Variants in TET1 observed in about 807,000 individuals in gnomAD.
TET1 encodes tet methylcytosine dioxygenase 1.
TET1 carries 13 observed loss-of-function variants against 148.7 expected under a neutral mutation model. The observed-to-expected ratio is 0.09, with a 90% CI of 0.06 to 0.14. The LOEUF (loss-of-function observed/expected upper bound fraction) is 0.14. Among genes scored for constraint, TET1 ranks in the 10% least tolerant of loss-of-function variants. The probability of loss-of-function intolerance (pLI) is 1.00; values close to 1 mark genes in which losing one functional copy is unlikely to be tolerated. For missense variants in TET1, 2,182 were observed against 2,553.8 expected (o/e 0.85, Z 3.14); for synonymous variants, 907 against 937.2 (o/e 0.97, Z 0.59).
Position 68,573,028 on chromosome 10 carries a change from A to C in TET1, c.690A>C (p.Glu230Asp), listed in dbSNP as rs763372468. The C allele has an allele frequency of 8.7e-6, 14 of 1,614,168 alleles. No homozygotes were observed. In the South Asian group the frequency reaches 1.5e-4, roughly 18 times the overall value. The part of the protein sequence containing the change: ...GTRCGEGLFS[E>D]ETLNDTSGSP... The stretch of plus-strand genomic sequence containing the variant: ...GCTGTGGTGAAGGACTATTCTCTGA[A>C]GAGACATTGAATGATACCAGTGGTT... The change falls in exon 2 of 12, where the codon GAA becomes GAC. Residue 230 changes from glutamate to aspartate, a missense_variant. By Grantham distance (45) the Glu-to-Asp change is conservative. Around this residue, in one of 11 missense-constraint regions of TET1, gnomAD observed 665 missense variants for 672.4 expected, o/e 0.99. Transcript: ENST00000373644.
intron 3 of TET1, among the ~76,000 whole-genome samples, chr10:68,626,846 G>T (rs542387476): frequency 1.3e-5 from 2 of 152,144 alleles, no homozygotes; most frequent in South Asian, 4.1e-4. Context: ...ACTATGACTG[G>T]CCCCTTGTTA....
In TET1 at chr10:68,691,644, T is replaced by G; in HGVS notation, c.6241T>G (p.Ser2081Ala). 1 of 1,614,188 alleles carries G rather than the reference T, an allele frequency of 6.2e-7. No homozygotes were observed. Among genetic ancestry groups the G allele is most frequent in the Non-Finnish European group, 8.5e-7 (1 of 1,180,026 alleles). The part of the protein sequence containing the change: ...KEAKNKKMKA[S>A]EQKDQAANEG... ...AGCTAAGAATAAGAAAATGAAGGCC[T>G]CAGAGCAAAAAGACCAGGCAGCTAA... Residue 2081 changes from serine to alanine, a missense_variant, in exon 12 of 12, where the codon TCA (serine) becomes GCA (alanine). Transcript: ENST00000373644. The surrounding 1 kb of genome is among the most constrained non-coding windows in gnomAD (Gnocchi z 4.4).
At chr10:68,629,039 G>A (rs2054529498) in intron 3 of TET1, among the ~76,000 whole-genome samples, 1 of 152,090 alleles carries the variant, frequency 6.6e-6, no homozygotes, top group Admixed American at 6.6e-5. Flanking sequence ...TCATCGTTTT[G>A]GTATCCCTGC....
Position 68,646,169 on chromosome 10 carries a change from A to C in TET1, c.3440A>C (p.Gln1147Pro), listed in dbSNP as rs2054843090. The change falls in exon 4 of 12, where the codon CAG (glutamine) becomes CCG (proline). Residue 1147 changes from glutamine to proline, a missense_variant. Gln to Pro is a moderately conservative substitution (Grantham distance 76, BLOSUM62 -1). Around this residue, in one of 11 missense-constraint regions of TET1, gnomAD observed 582 missense variants for 599.5 expected, o/e 0.97. Transcript: ENST00000373644. ...TTAACAAAACAAAAGAACCCAACCCAGAAAAAGACAAAATCCACCCCATCA... is the reference window on the plus strand; with the variant it reads ...TTAACAAAACAAAAGAACCCAACCCCGAAAAAGACAAAATCCACCCCATCA... ...SSLTKQKNPT[Q>P]KKTKSTPSRD... 6.2e-7 allele frequency: 1 copy of C among 1,613,366 alleles called. No individual in the cohort carries two copies. The highest frequency in any genetic ancestry group is 8.5e-7 in the Non-Finnish European group (1 of 1,179,896).
intron 3 of TET1, among the ~76,000 whole-genome samples, chr10:68,618,958 CCCT>C (rs1231046963): frequency 6.6e-6 from 1 of 151,982 alleles, no homozygotes; most frequent in Non-Finnish European, 1.5e-5. Context: ...CAGAATTAGA[CCCT>C]GTCTCTTAAA....
rs576484089 is a variant in TET1 at position 68,600,963 on chromosome 10, C to T, written c.1915-18C>T. The T allele has an allele frequency of 6.3e-7, 1 of 1,593,604 alleles. No individual in the cohort carries two copies. The highest frequency in any genetic ancestry group is 1.4e-5 in the African/African-American group (1 of 73,346). ...ATTTCTTAAACAGAGGCTCATTTTG[C>T]AATTTGATTTTTTTTAGGTTATAAA... On this transcript the variant is annotated intron_variant, in intron 2 of 11. Transcript: ENST00000373644.
intron 1 of TET1, among the ~76,000 whole-genome samples, chr10:68,569,180 T>C (rs2053639734): frequency 7.1e-6 from 1 of 140,134 alleles, no homozygotes; most frequent in Non-Finnish European, 1.6e-5. Flanking sequence ...TTTTTTTTTT[T>C]TTTTTTTTTT....
intron 2 of TET1, among the ~76,000 whole-genome samples, chr10:68,587,721 G>A: frequency 6.6e-6 from 1 of 152,154 alleles, no homozygotes; most frequent in East Asian, 1.9e-4. Context: ...GCAAAGGAAA[G>A]GAAGGTGGAA....
In TET1 at chr10:68,572,318, A is replaced by T; in HGVS notation, c.-21A>T. ...ATGACTCTGTTTCCTGCGCCCTTTC[A>T]TTTTTTCCTACTCTGTAGCTATGTC... is the stretch of plus-strand genomic sequence containing the variant. On this transcript the variant is annotated 5_prime_UTR_variant, in exon 2 of 12. Coordinates refer to ENST00000373644, the MANE Select transcript of TET1 (RefSeq NM_030625.3). 1 of 1,564,878 alleles carries T rather than the reference A, an allele frequency of 6.4e-7. No individual in the cohort carries two copies. The highest frequency in any genetic ancestry group is 1.2e-5 in the South Asian group (1 of 82,580).
At chr10:68,604,201 G>A (rs1214535546) in intron 3 of TET1, among the ~76,000 whole-genome samples, 1 of 152,190 alleles carries the variant, frequency 6.6e-6, no homozygotes, top group Non-Finnish European at 1.5e-5. Context: ...TACTTTGTGT[G>A]TGTGTGGTGG....
chr10:68,597,640 C>A (rs1424359056), intron 2 of TET1, among the ~76,000 whole-genome samples: 1 of 152,068 alleles, frequency 6.6e-6, no homozygotes, highest in Non-Finnish European at 1.5e-5. Flanking sequence ...ACTTGTATAC[C>A]TACTTGTACA....
chr10:68,662,445 T>C (rs1275597730), intron 6 of TET1, among the ~76,000 whole-genome samples: 2 of 152,072 alleles, frequency 1.3e-5, no homozygotes, highest in Non-Finnish European at 2.9e-5. Context: ...TCTTTACTTA[T>C]TATTAATTTT....
At chr10:68,599,881 T>C (rs1240595783) in intron 2 of TET1, among the ~76,000 whole-genome samples, 1 of 152,214 alleles carries the variant, frequency 6.6e-6, no homozygotes, top group East Asian at 1.9e-4. Flanking sequence ...CCTTTCTCTC[T>C]AGCCACTCAG....
intron 3 of TET1, among the ~76,000 whole-genome samples, chr10:68,617,511 T>G (rs930945979): frequency 6.6e-6 from 1 of 152,106 alleles, no homozygotes; most frequent in Non-Finnish European, 1.5e-5. Context: ...TCTTTGGTTT[T>G]TAGCATCCAT....
intron 8 of TET1, among the ~76,000 whole-genome samples, chr10:68,676,250 ATATATATATATATATATATTTTTTT>A (rs2055351731): frequency 3.1e-5 from 1 of 31,998 alleles, no homozygotes; most frequent in African/African-American, 1.5e-4. Context: ...ATATATATAT[ATATATATATATATATATATTTTTTT>A]TTTTTTTTTT....
Position 68,645,112 on chromosome 10 carries a change from A to G in TET1, c.2383A>G (p.Lys795Glu). The change falls in exon 4 of 12, where the codon AAA becomes GAA. Residue 795 changes from lysine (K) to glutamate (E), a missense_variant. Physicochemically the swap from Lys to Glu is moderately conservative, Grantham distance 56. Coordinates refer to ENST00000373644, the MANE Select transcript of TET1 (RefSeq NM_030625.3). ...GGAAAACAATTCTTATAAATTCCTA[A>G]AAGACACTGCAAACCATAAAAACGC... ...TLENNSYKFL[K>E]DTANHKNAMS... is the part of the protein sequence containing the mutation. 6.2e-7 allele frequency: 1 copy of G among 1,613,224 alleles called. No homozygotes were observed.
At chr10:68,570,652 C>T (rs1045698625) in intron 1 of TET1, among the ~76,000 whole-genome samples, 10 of 150,708 alleles carry the variant, frequency 6.6e-5, no homozygotes, top group African/African-American at 2.4e-4. Context: ...TTTTTTGAGA[C>T]AGAGTCTTGC....
intron 6 of TET1, among the ~76,000 whole-genome samples, chr10:68,655,728 T>C (rs1345958090): frequency 2.3e-4 from 35 of 152,184 alleles, no homozygotes; most frequent in Non-Finnish European, 1.6e-4. Context: ...GTAACAACTT[T>C]CTATTAGTAT....
chr10:68,577,805 C>T (rs2053750323), intron 2 of TET1, among the ~76,000 whole-genome samples: 1 of 152,094 alleles, frequency 6.6e-6, no homozygotes, highest in Admixed American at 6.6e-5. Context: ...AAGACACTGT[C>T]TCAAAAAACA....
Sources: allele counts gnomAD v4.1 joint callset (sites outside exome capture counted in the v4.1 genomes callset), GRCh38; gene constraint gnomAD v4.1.1; regional missense constraint gnomAD v4.1.1; non-coding constraint Gnocchi (gnomAD v3.1); transcripts MANE v1.5; gene names NCBI Gene and HGNC (gene_info 2026-07-23, HGNC 2026-07-21).